The following CBY2 variants were observed in gnomAD, a reference collection of about 807,000 sequenced individuals.
The protein encoded by CBY2 is chibby family member 2, also known as protein chibby homolog 2.
CBY2 carries 23 observed loss-of-function variants against 25.3 expected under a neutral mutation model. The observed-to-expected ratio is 0.91, with a 90% CI of 0.65 to 1.29. CBY2 has a LOEUF of 1.29. Among genes scored for constraint, CBY2 ranks in the 50% most tolerant of loss-of-function variants. CBY2 has a pLI of 0.00. For synonymous variants in CBY2, 279 were observed against 260.2 expected (o/e 1.07, Z -0.70); for missense variants, 642 against 590.7 (o/e 1.09, Z -0.90).
chr13:45,709,174 A>C (rs1005431174), intron 2 of CBY2, among the ~76,000 whole-genome samples: 8 of 152,204 alleles, frequency 5.3e-5, no homozygotes, highest in African/African-American at 1.9e-4. Context: ...TCAGAAAGTG[A>C]GTGGATATGA....
At position 45,703,352 on chromosome 13, in the gene CBY2, A is replaced by T. The variant is rs1261265003; in HGVS notation, c.156+497A>T. ...AAAGACAGATGTAGGGGCCATGGGC[A>T]TAGATGCTTTTTCAGTCAATGAATT... is the stretch of plus-strand genomic sequence containing the variant. On this transcript the variant is annotated intron_variant, in intron 2 of 2. Transcript: ENST00000310521. The T allele has an allele frequency of 1.6e-5, 23 of 1,431,350 alleles. No homozygotes were observed. The East Asian group carries it at 5.1e-4, about 32-fold the overall frequency. 88.7% of individuals were successfully genotyped at this position (1,431,350 alleles called of 1,614,324 possible). A position where few individuals can be genotyped will look rare whatever the true frequency, so the allele number is the denominator to read the frequency against.
At chr13:45,712,081 C>G (rs1297261203) in intron 2 of CBY2, among the ~76,000 whole-genome samples, 1 of 152,192 alleles carries the variant, frequency 6.6e-6, no homozygotes, top group Non-Finnish European at 1.5e-5. Flanking sequence ...CCATTTTGGA[C>G]ACAGCAATTT....
At position 45,713,395 on chromosome 13, in the gene CBY2, A is replaced by G; in HGVS notation, c.370A>G (p.Ser124Gly). ...LDYNPPRVQL[S>G]DEMFVFQDGR... ...CTACAACCCGCCGCGGGTGCAGCTC[A>G]GCGACGAGATGTTCGTGTTCCAGGA... The change falls in exon 3 of 3, where the codon AGC becomes GGC. Residue 124 changes from serine to glycine, a missense_variant. By Grantham distance (56) the Ser-to-Gly change is moderately conservative (BLOSUM62 0). Transcript: ENST00000310521. This position sits in a 1 kb window ranked among gnomAD's most constrained non-coding sequence, Gnocchi z 5.0. 2 of 1,614,184 alleles carry G rather than the reference A, an allele frequency of 1.2e-6. No homozygotes were observed. Among genetic ancestry groups the G allele is most frequent in the Non-Finnish European group, 1.7e-6 (2 of 1,180,034 alleles).
intron 2 of CBY2, among the ~76,000 whole-genome samples, chr13:45,707,148 C>T (rs1200288800): frequency 6.6e-6 from 1 of 151,974 alleles, no homozygotes; most frequent in Non-Finnish European, 1.5e-5. Context: ...ACTTTTGAGC[C>T]CAAAGTTACT....
At chr13:45,710,785 C>G (rs1294760489) in intron 2 of CBY2, among the ~76,000 whole-genome samples, 1 of 152,202 alleles carries the variant, frequency 6.6e-6, no homozygotes, top group Non-Finnish European at 1.5e-5. Flanking sequence ...CCCTCATACC[C>G]TTGCTATCTG....
At chr13:45,705,584 C>T (rs1201998500) in intron 2 of CBY2, among the ~76,000 whole-genome samples, 2 of 152,198 alleles carry the variant, frequency 1.3e-5, no homozygotes, top group Non-Finnish European at 2.9e-5. Context: ...ATCCTCTTTG[C>T]TGTTAACGTT....
Position 45,713,111 on chromosome 13 carries a change from C to T in CBY2, c.157-71C>T. The T allele has an allele frequency of 3.1e-6, 4 of 1,271,360 alleles. No homozygotes were observed. The allele number at this position is 1,271,360 out of a possible 1,614,324, so 78.8% of individuals were successfully genotyped here. On this transcript the variant is annotated intron_variant, in intron 2 of 2. Coordinates refer to ENST00000310521, the MANE Select transcript of CBY2 (RefSeq NM_152719.3). This position sits in a 1 kb window ranked among gnomAD's most constrained non-coding sequence, Gnocchi z 5.0. The stretch of plus-strand genomic sequence containing the variant: ...CGGGGCTTATTTGGGGATGTCCTGG[C>T]CCCTTTGTCAGCCAGCCCCAAGTGT...
chr13:45,711,128 C>A (rs1460487855), intron 2 of CBY2, among the ~76,000 whole-genome samples: 2 of 152,208 alleles, frequency 1.3e-5, no homozygotes, highest in Non-Finnish European at 2.9e-5. Flanking sequence ...TACTTAAATT[C>A]ATGGCTGCAA....
Position 45,713,577 on chromosome 13 carries a change from G to T in CBY2, c.552G>T (p.Glu184Asp). The T allele has an allele frequency of 6.2e-7, 1 of 1,614,152 alleles. No homozygotes were observed. The highest frequency in any genetic ancestry group is 8.5e-7 in the Non-Finnish European group (1 of 1,180,030). Residue 184 changes from glutamate to aspartate, a missense_variant, in exon 3 of 3, where the codon GAG (glutamate) becomes GAT (aspartate). By Grantham distance (45) the Glu-to-Asp change is conservative (BLOSUM62 2). Coordinates refer to ENST00000310521, the MANE Select transcript of CBY2 (RefSeq NM_152719.3). The surrounding 1 kb of genome is among the most constrained non-coding windows in gnomAD (Gnocchi z 5.0). ...SLREENKALR[E>D]ENRMLSKENK... ...GGGAGGAGAACAAGGCCCTGCGCGAGGAGAACCGGATGCTCAGCAAGGAGA... is the reference window on the plus strand; with the variant it reads ...GGGAGGAGAACAAGGCCCTGCGCGATGAGAACCGGATGCTCAGCAAGGAGA...
At chr13:45,702,684 G>A in intron 1 of CBY2, 91 bp from the exon 2 acceptor site, 1 of 1,058,834 alleles carries the variant, frequency 9.4e-7, no homozygotes, top group Non-Finnish European at 1.4e-6. Context: ...AGAAATAAAT[G>A]AGTAGAAAGT....
At chr13:45,709,345 C>A (rs1950256147) in intron 2 of CBY2, among the ~76,000 whole-genome samples, 2 of 152,192 alleles carry the variant, frequency 1.3e-5, no homozygotes. Context: ...ATGTAGAACA[C>A]AGGCAGCTGA....
At position 45,714,026 on chromosome 13, in the gene CBY2, T is replaced by C; in HGVS notation, c.1001T>C (p.Met334Thr). 4 of 1,488,374 alleles carry C rather than the reference T, an allele frequency of 2.7e-6. No individual in the cohort carries two copies. Among genetic ancestry groups the C allele is most frequent in the Non-Finnish European group, 3.6e-6 (4 of 1,118,796 alleles). 92.2% of individuals were successfully genotyped at this position (1,488,374 alleles called of 1,614,324 possible). ...GCCCTGCGGAAGATGGTCAGCAACA[T>C]GTCCGGGCCCTCCGGGGAGGAGGAG... ...LRALRKMVSN[M>T]SGPSGEEEAK... The change falls in exon 3 of 3, where the codon ATG (methionine) becomes ACG (threonine). Residue 334 changes from methionine to threonine, a missense_variant. By Grantham distance (81) the Met-to-Thr change is moderately conservative. Coordinates refer to ENST00000310521, the MANE Select transcript of CBY2 (RefSeq NM_152719.3).
Position 45,714,028 on chromosome 13 carries a change from T to G in CBY2, c.1003T>G (p.Ser335Ala). 6.7e-7 allele frequency: 1 copy of G among 1,488,188 alleles called. No homozygotes were observed. Among genetic ancestry groups the G allele is most frequent in the African/African-American group, 1.4e-5 (1 of 71,074 alleles). The allele number at this position is 1,488,188 out of a possible 1,614,324, so 92.2% of individuals were successfully genotyped here. A position where few individuals can be genotyped will look rare whatever the true frequency, so the allele number is the denominator to read the frequency against. ...RALRKMVSNM[S>A]GPSGEEEAKV... ...CCTGCGGAAGATGGTCAGCAACATG[T>G]CCGGGCCCTCCGGGGAGGAGGAGGC... The change falls in exon 3 of 3, where the codon TCC (serine) becomes GCC (alanine). Residue 335 changes from serine to alanine, a missense_variant. Coordinates refer to ENST00000310521, the MANE Select transcript of CBY2 (RefSeq NM_152719.3).
rs1566071808 is a variant in CBY2, at chr13:45,713,704, G to C, written c.679G>C (p.Glu227Gln). The part of the protein sequence containing the change: ...PLLHKDSASL[E>Q]VVKKDHVALQ... The stretch of plus-strand genomic sequence containing the variant: ...GCTGCACAAAGACAGCGCGTCCCTG[G>C]AGGTGGTGAAGAAGGACCACGTCGC... The change falls in exon 3 of 3, where the codon GAG (glutamate) becomes CAG (glutamine). Residue 227 changes from glutamate to glutamine, a missense_variant. By Grantham distance (29) the Glu-to-Gln change is conservative. Coordinates refer to ENST00000310521, the MANE Select transcript of CBY2 (RefSeq NM_152719.3). This position sits in a 1 kb window ranked among gnomAD's most constrained non-coding sequence, Gnocchi z 5.0. 6.2e-7 allele frequency: 1 copy of C among 1,612,226 alleles called. No homozygotes were observed. The highest frequency in any genetic ancestry group is 1.7e-5 in the Admixed American group (1 of 60,020).
Position 45,713,198 on chromosome 13 carries a change from C to G in CBY2, c.173C>G (p.Pro58Arg). Residue 58 changes from proline to arginine, a missense_variant, in exon 3 of 3, where the codon CCC becomes CGC. By Grantham distance (103) the Pro-to-Arg change is moderately radical. Coordinates refer to ENST00000310521, the MANE Select transcript of CBY2 (RefSeq NM_152719.3). This position sits in a 1 kb window ranked among gnomAD's most constrained non-coding sequence, Gnocchi z 5.0. ...VVLPQRGTAEPFPRLHNLYST... is the reference protein window; with the variant it reads ...VVLPQRGTAERFPRLHNLYST... ...CTCCCGCAGAGGGGCACAGCCGAACCCTTCCCGAGGCTCCACAACTTGTAC... is the reference window on the plus strand; with the variant it reads ...CTCCCGCAGAGGGGCACAGCCGAACGCTTCCCGAGGCTCCACAACTTGTAC... The G allele has an allele frequency of 6.2e-7, 1 of 1,611,922 alleles. No homozygotes were observed. Among genetic ancestry groups the G allele is most frequent in the Non-Finnish European group, 8.5e-7 (1 of 1,178,880 alleles).
rs754097956 is a variant in CBY2 at position 45,713,426 on chromosome 13, G to A, written c.401G>A (p.Arg134His). 1.4e-5 allele frequency: 22 copies of A among 1,614,090 alleles called. No individual in the cohort carries two copies. Among genetic ancestry groups the A allele is most frequent in the Non-Finnish European group, 1.4e-5 (16 of 1,180,046 alleles). The stretch of plus-strand genomic sequence containing the variant: ...GAGATGTTCGTGTTCCAGGACGGGC[G>A]CTGGGTAAATGAGAACTGCCGCCTG... Reference protein sequence around the residue: ...SDEMFVFQDGRWVNENCRLQS... With the variant: ...SDEMFVFQDGHWVNENCRLQS... The change falls in exon 3 of 3, where the codon CGC (arginine) becomes CAC (histidine). Residue 134 changes from arginine to histidine, a missense_variant. Physicochemically the swap from Arg to His is conservative, Grantham distance 29. Transcript: ENST00000310521. The surrounding 1 kb of genome is among the most constrained non-coding windows in gnomAD (Gnocchi z 5.0).
intron 2 of CBY2, among the ~76,000 whole-genome samples, chr13:45,705,343 T>A (rs1950234023): frequency 6.6e-6 from 1 of 152,212 alleles, no homozygotes; most frequent in Non-Finnish European, 1.5e-5. Flanking sequence ...CATTGTTTAC[T>A]CCTAGATCAT....
intron 2 of CBY2, 141 bp downstream of exon 2, chr13:45,702,996 G>A: frequency 3.6e-6 from 4 of 1,111,410 alleles, no homozygotes; most frequent in Non-Finnish European, 5.0e-6. Flanking sequence ...TTGGGTGCCA[G>A]CAGGCGGTGT....
chr13:45,713,315 C>A lies in CBY2; in HGVS notation c.290C>A (p.Ser97Tyr). Residue 97 changes from serine (S) to tyrosine (Y), a missense_variant, in exon 3 of 3, where the codon TCC becomes TAC. Coordinates refer to ENST00000310521, the MANE Select transcript of CBY2 (RefSeq NM_152719.3). The surrounding 1 kb of genome is among the most constrained non-coding windows in gnomAD (Gnocchi z 5.0). ...TCCTATCCACTGAACCGCTTCTCCTCCGTGCCTTTAGACCCCATGGAGCGC... is the reference window on the plus strand; with the variant it reads ...TCCTATCCACTGAACCGCTTCTCCTACGTGCCTTTAGACCCCATGGAGCGC... ...QHSYPLNRFSSVPLDPMERPM... is the reference protein window; with the variant it reads ...QHSYPLNRFSYVPLDPMERPM... 6.2e-7 allele frequency: 1 copy of A among 1,614,170 alleles called. No individual in the cohort carries two copies. Among genetic ancestry groups the A allele is most frequent in the Non-Finnish European group, 8.5e-7 (1 of 1,180,040 alleles).
Sources: gnomAD v4.1 joint callset for allele counts (sites outside exome capture counted in the v4.1 genomes callset) on GRCh38, gnomAD v4.1.1 for gene constraint, Gnocchi (gnomAD v3.1) non-coding constraint, MANE v1.5 for transcripts, NCBI Gene and HGNC (gene_info 2026-07-23, HGNC 2026-07-21) for gene names.